Variants in PTPRD observed in about 807,000 individuals in gnomAD.
The protein encoded by PTPRD is protein tyrosine phosphatase receptor type D.
In PTPRD, 34 loss-of-function variants were observed where a neutral mutation model predicts 214.5. The ratio of observed to expected loss-of-function variants is 0.16; its 90% confidence interval spans 0.12 to 0.21. PTPRD has a LOEUF of 0.21. Among genes scored for constraint, PTPRD ranks in the 10% least tolerant of loss-of-function variants. The probability of loss-of-function intolerance (pLI) is 1.00; values close to 1 mark genes in which losing one functional copy is unlikely to be tolerated. For missense variants in PTPRD, 2,545 were observed against 2,398.7 expected, an observed-to-expected ratio of 1.06 and a Z score of -1.27; for synonymous variants, 1,128 against 845.7, an observed-to-expected ratio of 1.33 and a Z score of -5.79.
At chr9:10,518,817 C>T (rs1006606313) in intron 2 of PTPRD, among the ~76,000 whole-genome samples, 37 of 151,920 alleles carry the variant, frequency 2.4e-4, no homozygotes, top group Admixed American at 6.6e-5. Flanking sequence ...CAGGCGTGAG[C>T]CACCGCGCTC....
At chr9:8,697,417 C>CTTTTTTTTTTTTTTTT (rs752677458) in intron 12 of PTPRD, among the ~76,000 whole-genome samples, 1 of 63,242 alleles carries the variant, frequency 1.6e-5, no homozygotes. Flanking sequence ...TTTTTATGTA[C>CTTTTTTTTTTTTTTTT]TTTTTTTTTT....
chr9:8,436,888 T>G (rs1433599376), intron 34 of PTPRD, among the ~76,000 whole-genome samples, 199 bp from the exon 35 acceptor site: 1 of 152,172 alleles, frequency 6.6e-6, no homozygotes, highest in Non-Finnish European at 1.5e-5. Context: ...TGTAGCCAAA[T>G]GAAAAGTCAC....
chr9:9,428,248 C>G (rs1284090190), intron 8 of PTPRD, among the ~76,000 whole-genome samples: 3 of 151,940 alleles, frequency 2.0e-5, no homozygotes, highest in South Asian at 4.2e-4. Flanking sequence ...AAAAAAAAAG[C>G]AGGGATTGCA....
intron 14 of PTPRD, among the ~76,000 whole-genome samples, chr9:8,557,026 G>C (rs2084030463): frequency 6.6e-6 from 1 of 152,114 alleles, no homozygotes; most frequent in African/African-American, 2.4e-5. Context: ...ATTTGTAGCT[G>C]AAATTGATTA....
At chr9:8,396,795 C>T (rs780684532) in intron 36 of PTPRD, among the ~76,000 whole-genome samples, 53 of 152,240 alleles carry the variant, frequency 3.5e-4, no homozygotes, top group Middle Eastern at 3.4e-3. Context: ...AATTAGACAG[C>T]TCTTAGAAAG....
intron 2 of PTPRD, among the ~76,000 whole-genome samples, chr9:10,518,986 G>T (rs2051164287): frequency 6.6e-6 from 1 of 151,358 alleles, no homozygotes. Context: ...TTTTTTTAAT[G>T]GTCAGAAGAA....
At chr9:8,825,082 C>T (rs1383212351) in intron 11 of PTPRD, among the ~76,000 whole-genome samples, 1 of 152,110 alleles carries the variant, frequency 6.6e-6, no homozygotes, top group Non-Finnish European at 1.5e-5. Flanking sequence ...TGAGCCCTGC[C>T]ATGAGTTTGT....
chr9:8,822,405 C>G (rs2097089028), intron 11 of PTPRD, among the ~76,000 whole-genome samples: 1 of 152,176 alleles, frequency 6.6e-6, no homozygotes, highest in African/African-American at 2.4e-5. Context: ...ATCATGTGTT[C>G]TGACAGAGAA....
At chr9:9,875,456 G>A (rs1000933737) in intron 5 of PTPRD, among the ~76,000 whole-genome samples, 3 of 150,310 alleles carry the variant, frequency 2.0e-5, no homozygotes, top group Non-Finnish European at 4.5e-5. Flanking sequence ...AACCTAAGTA[G>A]GATGCAAACC....
intron 37 of PTPRD, among the ~76,000 whole-genome samples, chr9:8,387,004 T>G (rs1025207517): frequency 9.2e-5 from 14 of 152,124 alleles, no homozygotes; most frequent in Admixed American, 8.5e-4. Flanking sequence ...TCATGTGTAT[T>G]GTCAGATTGG....
At chr9:9,932,910 G>C (rs1040552666) in intron 5 of PTPRD, among the ~76,000 whole-genome samples, 5 of 137,084 alleles carry the variant, frequency 3.6e-5, no homozygotes, top group African/African-American at 5.2e-5. Context: ...AGAAAAGAGT[G>C]GGGGCCAATA....
At chr9:8,604,033 C>T (rs1479993294) in intron 14 of PTPRD, among the ~76,000 whole-genome samples, 3 of 152,176 alleles carry the variant, frequency 2.0e-5, no homozygotes, top group Non-Finnish European at 4.4e-5. Flanking sequence ...AACAATTATG[C>T]TGAGAGTGTT....
At chr9:9,293,229 A>G (rs916655539) in intron 9 of PTPRD, among the ~76,000 whole-genome samples, 6 of 151,672 alleles carry the variant, frequency 4.0e-5, no homozygotes, top group Non-Finnish European at 8.9e-5. Flanking sequence ...CTATTTAATC[A>G]TTAACATATG....
In PTPRD at chr9:10,011,595, G is replaced by C. The variant is rs193095210; in HGVS notation, c.-472+22123C>G. On this transcript the variant is annotated intron_variant, in intron 4 of 45. Coordinates refer to ENST00000381196, the MANE Select transcript of PTPRD (RefSeq NM_002839.4). ...CCCTGCTGATAAATACCCAGTGCAAGATTGGCTTAGATAATATTTGTGTTT... is the reference window on the plus strand; with the variant it reads ...CCCTGCTGATAAATACCCAGTGCAACATTGGCTTAGATAATATTTGTGTTT... Among the ~76,000 whole-genome samples, 282 of 151,978 alleles carry C rather than the reference G, an allele frequency of 1.9e-3. 1 individual carries two copies. Among genetic ancestry groups the C allele is most frequent in the African/African-American group, 6.6e-3 (272 of 41,508 alleles).
intron 9 of PTPRD, among the ~76,000 whole-genome samples, chr9:9,272,220 T>C (rs1343095703): frequency 6.6e-6 from 1 of 151,204 alleles, no homozygotes; most frequent in Non-Finnish European, 1.5e-5. Flanking sequence ...ATTACTCTGA[T>C]ATGTGGGCTT....
chr9:8,449,180 G>T (rs913374489), intron 34 of PTPRD, among the ~76,000 whole-genome samples: 5 of 152,086 alleles, frequency 3.3e-5, no homozygotes, highest in Admixed American at 1.3e-4. Flanking sequence ...TTTCTCTCTA[G>T]TAAGAAGCCT....
At chr9:10,271,958 T>C (rs541545558) in intron 3 of PTPRD, among the ~76,000 whole-genome samples, 5 of 152,194 alleles carry the variant, frequency 3.3e-5, no homozygotes, top group African/African-American at 9.7e-5. Flanking sequence ...AACAACTTCA[T>C]GAAGATGAAA....
At chr9:10,358,422 GATCA>G (rs1162974418) in intron 2 of PTPRD, among the ~76,000 whole-genome samples, 1 of 151,822 alleles carries the variant, frequency 6.6e-6, no homozygotes, top group East Asian at 1.9e-4. Context: ...TAATTTCATT[GATCA>G]ATGAAGCAAT....
At chr9:10,342,206 C>G (rs558374867) in intron 2 of PTPRD, among the ~76,000 whole-genome samples, 7 of 152,180 alleles carry the variant, frequency 4.6e-5, no homozygotes, top group Admixed American at 4.6e-4. Context: ...CTGTCCACAT[C>G]ATGAGTGCGC....
Sources: allele counts gnomAD v4.1 joint callset (sites outside exome capture counted in the v4.1 genomes callset), GRCh38; gene constraint gnomAD v4.1.1; transcripts MANE v1.5; gene names NCBI Gene and HGNC (gene_info 2026-07-23, HGNC 2026-07-21).